CPNE8: variants seen among roughly 807,000 people sequenced by gnomAD.
CPNE8 encodes the protein copine 8.
A neutral mutation model predicts 81.5 loss-of-function variants in CPNE8; 45 were observed. The observed-to-expected ratio is 0.55, with a 90% CI of 0.44 to 0.71. CPNE8 has a LOEUF of 0.71. CPNE8 is among the 30% of genes least tolerant of loss of function. The pLI is 0.00. For missense variants in CPNE8, 594 were observed against 672.1 expected (o/e 0.88, Z 1.28); for synonymous variants, 252 against 226.3 (o/e 1.11, Z -1.02).
intron 11 of CPNE8, chr12:38,726,615 C>G (rs967328650): frequency 6.6e-6 from 1 of 152,076 alleles, no homozygotes; most frequent in Non-Finnish European, 1.5e-5. Context: ...TATAGGAAAT[C>G]AATGAATAAA....
intron 10 of CPNE8, among the ~76,000 whole-genome samples, chr12:38,735,266 C>A (rs1218768162): frequency 6.7e-6 from 1 of 150,338 alleles, no homozygotes; most frequent in Non-Finnish European, 1.5e-5. Context: ...AAATGAAAGA[C>A]CCCTTGGACT....
At chr12:38,851,084 C>T (rs7974247) in intron 3 of CPNE8, among the ~76,000 whole-genome samples, 141,509 of 152,296 alleles carry the variant, frequency 0.93, 65,908 homozygotes, top group African/African-American at 0.99. Context: ...CAGATGCCAG[C>T]GCCTTGATCT....
intron 6 of CPNE8, among the ~76,000 whole-genome samples, chr12:38,785,069 CCTGTAGTTCCAGCTATTCA>C (rs1565613784): frequency 6.6e-6 from 1 of 151,984 alleles, no homozygotes; most frequent in East Asian, 1.9e-4. Flanking sequence ...ATGGCACGTG[CCTGTAGTTCCAGCTATTCA>C]GAAGGCTGAG....
intron 19 of CPNE8, among the ~76,000 whole-genome samples, chr12:38,668,687 TG>T (rs1278474616): frequency 6.6e-6 from 1 of 152,118 alleles, no homozygotes; most frequent in Non-Finnish European, 1.5e-5. Flanking sequence ...TTAAATAAAG[TG>T]TAATTACTTA....
At chr12:38,883,989 T>G (rs548846015) in intron 1 of CPNE8, among the ~76,000 whole-genome samples, 9 of 152,300 alleles carry the variant, frequency 5.9e-5, no homozygotes, top group Non-Finnish European at 1.2e-4. Context: ...ACTTGAGCAA[T>G]ATTTCTAGCT....
intron 3 of CPNE8, among the ~76,000 whole-genome samples, chr12:38,865,671 G>T (rs541163986): frequency 1.1e-3 from 173 of 152,256 alleles, no homozygotes; most frequent in African/African-American, 3.9e-3. Flanking sequence ...TCATCTAGAT[G>T]ATGGTTACCT....
intron 16 of CPNE8, 32 bp from the exon 17 acceptor site, chr12:38,677,586 A>T: frequency 7.8e-7 from 1 of 1,284,104 alleles, no homozygotes; most frequent in Non-Finnish European, 1.1e-6. Flanking sequence ...AGGAAAGTAA[A>T]ACAGTTTTCT....
intron 1 of CPNE8, among the ~76,000 whole-genome samples, chr12:38,890,957 C>T (rs1446989576): frequency 6.6e-6 from 1 of 150,956 alleles, no homozygotes; most frequent in Non-Finnish European, 1.5e-5. Flanking sequence ...GAAAGAGTCT[C>T]ACTCTGTCAC....
chr12:38,769,951 A>G (rs1941768007), intron 7 of CPNE8, among the ~76,000 whole-genome samples: 1 of 152,218 alleles, frequency 6.6e-6, no homozygotes, highest in African/African-American at 2.4e-5. Context: ...CTTAGCAGGG[A>G]TTAAATGGTA....
chr12:38,788,527 C>T (rs1230387415), intron 6 of CPNE8, among the ~76,000 whole-genome samples: 4 of 151,802 alleles, frequency 2.6e-5, no homozygotes, highest in African/African-American at 9.7e-5. Context: ...TACTGAAAGC[C>T]TTTCCTCTAA....
At chr12:38,856,706 A>G (rs1205407089) in intron 3 of CPNE8, among the ~76,000 whole-genome samples, 11 of 151,802 alleles carry the variant, frequency 7.2e-5, no homozygotes, top group Admixed American at 3.3e-4. Flanking sequence ...TAAAAATACA[A>G]ATAGGCTGGA....
At chr12:38,705,791 C>T (rs745551588) in intron 13 of CPNE8, among the ~76,000 whole-genome samples, 52 of 151,918 alleles carry the variant, frequency 3.4e-4, no homozygotes, top group Non-Finnish European at 7.1e-4. Context: ...CAGTTGGTGA[C>T]CTTAGCCAAA....
At chr12:38,798,052 A>G (rs1942545125) in intron 6 of CPNE8, among the ~76,000 whole-genome samples, 1 of 152,168 alleles carries the variant, frequency 6.6e-6, no homozygotes, top group Non-Finnish European at 1.5e-5. Flanking sequence ...GACTATGTGA[A>G]AAGACCAAAT....
At chr12:38,797,210 T>G (rs545639870) in intron 6 of CPNE8, among the ~76,000 whole-genome samples, 285 of 152,178 alleles carry the variant, frequency 1.9e-3, no homozygotes, top group African/African-American at 6.3e-3. Context: ...CTCCCAGCAC[T>G]CAGCTGGAGA....
At chr12:38,799,376 C>T (rs180723986) in intron 6 of CPNE8, among the ~76,000 whole-genome samples, 54 of 152,190 alleles carry the variant, frequency 3.5e-4, no homozygotes, top group East Asian at 3.5e-3. Flanking sequence ...CAAACTAGAA[C>T]TCAGGATTAA....
At chr12:38,724,790 A>T (rs1291796394) in intron 12 of CPNE8, 56 bp downstream of exon 12, 17 of 1,179,816 alleles carry the variant, frequency 1.4e-5, no homozygotes, top group African/African-American at 3.1e-5. Flanking sequence ...TGCCATCTAC[A>T]TATATGCTTA....
At chr12:38,866,058 T>C (rs914336237) in intron 3 of CPNE8, among the ~76,000 whole-genome samples, 3 of 152,238 alleles carry the variant, frequency 2.0e-5, no homozygotes, top group Admixed American at 1.3e-4. Context: ...ATTGCTGACA[T>C]TGGAAATCCA....
intron 19 of CPNE8, among the ~76,000 whole-genome samples, chr12:38,660,356 C>A (rs975234594): frequency 6.6e-6 from 1 of 152,052 alleles, no homozygotes; most frequent in South Asian, 2.1e-4. Flanking sequence ...CAAAAACAAG[C>A]AATGGGGAAA....
intron 1 of CPNE8, 53 bp downstream of exon 1, chr12:38,905,384 T>A (rs1944553621): frequency 1.3e-6 from 2 of 1,536,946 alleles, no homozygotes; most frequent in Non-Finnish European, 8.8e-7. Context: ...CTCCAAGTGC[T>A]ACCAACCCCA....
Sources: allele counts gnomAD v4.1 joint callset (sites outside exome capture counted in the v4.1 genomes callset), GRCh38; gene constraint gnomAD v4.1.1; transcripts MANE v1.5; gene names NCBI Gene and HGNC (gene_info 2026-07-23, HGNC 2026-07-21).